The following SGCZ variants were observed in gnomAD, a reference collection of about 807,000 sequenced individuals.
The protein encoded by SGCZ is zeta-sarcoglycan.
A neutral mutation model predicts 41.3 loss-of-function variants in SGCZ; 40 were observed. The observed-to-expected ratio is 0.97, with a 90% CI of 0.75 to 1.26. SGCZ has a LOEUF of 1.26. Ranked by LOEUF, SGCZ falls within the 50% of genes most tolerant of loss-of-function variation. The pLI is 0.00. For missense variants in SGCZ, 552 were observed against 369.8 expected (o/e 1.49, Z -4.04); for synonymous variants, 206 against 137.5 (o/e 1.50, Z -3.49).
intron 2 of SGCZ, among the ~76,000 whole-genome samples, chr8:14,451,751 T>C (rs901202295): frequency 2.0e-5 from 3 of 152,196 alleles, no homozygotes; most frequent in African/African-American, 4.8e-5. Flanking sequence ...ATGTCCAACA[T>C]TGTATATCAT....
At chr8:15,017,256 T>G (rs905471695) in intron 1 of SGCZ, among the ~76,000 whole-genome samples, 1 of 152,200 alleles carries the variant, frequency 6.6e-6, no homozygotes, top group Non-Finnish European at 1.5e-5. Flanking sequence ...GAGAGAATTT[T>G]TATATAGGAT....
intron 6 of SGCZ, among the ~76,000 whole-genome samples, chr8:14,107,590 C>T (rs1802245944): frequency 6.6e-6 from 1 of 152,082 alleles, no homozygotes; most frequent in Admixed American, 6.6e-5. Context: ...CCACACATTT[C>T]ATTATATATG....
intron 1 of SGCZ, among the ~76,000 whole-genome samples, chr8:14,996,299 T>C (rs544976500): frequency 1.3e-5 from 2 of 152,344 alleles, no homozygotes; most frequent in African/African-American, 4.8e-5. Context: ...ACAAAATTAT[T>C]GAAAAGCATG....
At chr8:14,251,061 C>T (rs1799266274) in intron 3 of SGCZ, among the ~76,000 whole-genome samples, 1 of 152,072 alleles carries the variant, frequency 6.6e-6, no homozygotes, top group African/African-American at 2.4e-5. Flanking sequence ...AACCCCGTCT[C>T]TACTTAAAGT....
intron 1 of SGCZ, among the ~76,000 whole-genome samples, chr8:14,761,878 G>C: frequency 6.6e-6 from 1 of 152,026 alleles, no homozygotes; most frequent in Non-Finnish European, 1.5e-5. Flanking sequence ...GAACTCCCAA[G>C]GGCTAGAATT....
At chr8:15,159,348 C>T (rs879278400) in intron 1 of SGCZ, among the ~76,000 whole-genome samples, 8 of 152,046 alleles carry the variant, frequency 5.3e-5, no homozygotes, top group Non-Finnish European at 8.8e-5. Flanking sequence ...AACATGGTTC[C>T]CTGAGTTCTG....
chr8:14,356,454 TAATG>T (rs1803295694), intron 2 of SGCZ, among the ~76,000 whole-genome samples: 1 of 152,042 alleles, frequency 6.6e-6, no homozygotes, highest in Non-Finnish European at 1.5e-5. Context: ...TACTGTATAT[TAATG>T]AAAGAGAAAT....
chr8:15,216,816 T>A (rs1465248889), intron 1 of SGCZ, among the ~76,000 whole-genome samples: 1 of 152,012 alleles, frequency 6.6e-6, no homozygotes, highest in Non-Finnish European at 1.5e-5. Flanking sequence ...TAAAACAGAC[T>A]AGAATTAGGA....
intron 1 of SGCZ, among the ~76,000 whole-genome samples, chr8:15,099,179 G>C (rs1806507123): frequency 6.6e-6 from 1 of 152,200 alleles, no homozygotes; most frequent in Non-Finnish European, 1.5e-5. Context: ...AGCCAAATAA[G>C]AGAGGAATTA....
chr8:15,196,875 C>T (rs544097689), intron 1 of SGCZ, among the ~76,000 whole-genome samples: 11 of 152,294 alleles, frequency 7.2e-5, no homozygotes, highest in African/African-American at 2.4e-4. Flanking sequence ...GGCTGGGAGG[C>T]CCAGGCCCCA....
chr8:15,212,338 A>T (rs532687840), intron 1 of SGCZ, among the ~76,000 whole-genome samples: 1 of 152,212 alleles, frequency 6.6e-6, no homozygotes, highest in South Asian at 2.1e-4. Context: ...GAAGCCACAC[A>T]CTGGTGGATT....
chr8:15,026,322 G>C (rs1462593431), intron 1 of SGCZ, among the ~76,000 whole-genome samples: 1 of 152,074 alleles, frequency 6.6e-6, no homozygotes, highest in Non-Finnish European at 1.5e-5. Flanking sequence ...GTCCTACAAA[G>C]TTATATTTGT....
At chr8:14,165,607 G>A (rs771843318) in intron 4 of SGCZ, among the ~76,000 whole-genome samples, 52 of 152,024 alleles carry the variant, frequency 3.4e-4, no homozygotes, top group East Asian at 3.9e-4. Context: ...TATAGTTCCC[G>A]CTCCTATTAA....
intron 2 of SGCZ, among the ~76,000 whole-genome samples, chr8:14,527,566 C>T (rs189575100): frequency 6.6e-6 from 1 of 152,038 alleles, no homozygotes; most frequent in Non-Finnish European, 1.5e-5. Flanking sequence ...ACATCAATAG[C>T]CCTTAAAAAT....
chr8:15,237,771 C>A lies in SGCZ; in HGVS notation c.-148G>T. 1 of 666,882 alleles carries A rather than the reference C, an allele frequency of 1.5e-6. No individual in the cohort carries two copies. Among genetic ancestry groups the A allele is most frequent in the South Asian group, 1.9e-5 (1 of 52,712 alleles). The allele number at this position is 666,882 out of a possible 1,614,324, so 41.3% of individuals were successfully genotyped here. A position where few individuals can be genotyped will look rare whatever the true frequency, so the allele number is the denominator to read the frequency against. ...CTCATTCTCCGTGGTCACGCCGCCT[C>A]CACCGGGTTAAAAATAAGGAAAATA... On this transcript the variant is annotated 5_prime_UTR_variant, in exon 1 of 8. Coordinates refer to ENST00000382080, the MANE Select transcript of SGCZ (RefSeq NM_139167.4).
At chr8:14,116,413 T>C (rs1802524684) in intron 5 of SGCZ, among the ~76,000 whole-genome samples, 1 of 152,114 alleles carries the variant, frequency 6.6e-6, no homozygotes, top group Admixed American at 6.6e-5. Context: ...TTTGGGTCTC[T>C]CTGCCGATGA....
chr8:14,392,191 T>A (rs572960888), intron 2 of SGCZ, among the ~76,000 whole-genome samples: 2 of 152,332 alleles, frequency 1.3e-5, no homozygotes, highest in East Asian at 1.9e-4. Flanking sequence ...TACACTTTAA[T>A]GCATAGCTTG....
intron 5 of SGCZ, among the ~76,000 whole-genome samples, chr8:14,163,999 C>T (rs555646781): frequency 6.6e-6 from 1 of 152,020 alleles, no homozygotes; most frequent in East Asian, 1.9e-4. Flanking sequence ...CAAATTATTC[C>T]CCAATCCTGG....
chr8:14,130,063 T>C (rs1317768685), intron 5 of SGCZ, among the ~76,000 whole-genome samples: 2 of 152,164 alleles, frequency 1.3e-5, no homozygotes, highest in African/African-American at 4.8e-5. Flanking sequence ...AACTCACAGT[T>C]TCTGATTATA....
Sources: gnomAD v4.1 joint callset for allele counts (sites outside exome capture counted in the v4.1 genomes callset) on GRCh38, gnomAD v4.1.1 for gene constraint, MANE v1.5 for transcripts, NCBI Gene and HGNC (gene_info 2026-07-23, HGNC 2026-07-21) for gene names.